MCC: variants seen among roughly 807,000 people sequenced by gnomAD.
MCC encodes MCC regulator of Wnt signaling pathway.
MCC carries 90 observed loss-of-function variants against 116.2 expected under a neutral mutation model. That is an observed-to-expected ratio of 0.77 (90% CI 0.65 to 0.92). The LOEUF is 0.92. Ranked by LOEUF, MCC falls within the 40% of genes least tolerant of loss-of-function variation. The pLI, the probability that MCC is intolerant of heterozygous loss-of-function variation, is 0.00. For synonymous variants in MCC, 578 were observed against 510.5 expected (o/e 1.13, Z -1.78); for missense variants, 1,516 against 1,312.2 (o/e 1.16, Z -2.40).
chr5:113,388,325 A>C (rs1769322733), intron 1 of MCC, among the ~76,000 whole-genome samples: 1 of 152,254 alleles, frequency 6.6e-6, no homozygotes, highest in Non-Finnish European at 1.5e-5. Flanking sequence ...TAGAAATACA[A>C]AATTAACAAT....
intron 4 of MCC, among the ~76,000 whole-genome samples, chr5:113,149,407 T>A (rs925050740): frequency 6.6e-6 from 1 of 151,968 alleles, no homozygotes; most frequent in Non-Finnish European, 1.5e-5. Context: ...AAACTGAAAA[T>A]TTTTTTATTT....
intron 3 of MCC, among the ~76,000 whole-genome samples, chr5:113,299,774 G>C (rs1223237870): frequency 1.3e-5 from 2 of 152,230 alleles, no homozygotes; most frequent in Admixed American, 6.5e-5. Context: ...CCTATGGAGA[G>C]GTGTGGGCAG....
chr5:113,208,947 C>T (rs544350249), intron 3 of MCC, among the ~76,000 whole-genome samples: 31 of 152,266 alleles, frequency 2.0e-4, no homozygotes, highest in African/African-American at 7.5e-4. Flanking sequence ...CTCTGAGGGG[C>T]TAAGGGTCGT....
intron 3 of MCC, among the ~76,000 whole-genome samples, chr5:113,183,841 G>C: frequency 6.6e-6 from 1 of 152,124 alleles, no homozygotes; most frequent in East Asian, 1.9e-4. Flanking sequence ...GGGGGCCAAA[G>C]GAATAGAGGG....
At chr5:113,093,123 T>A (rs766319748) in intron 8 of MCC, among the ~76,000 whole-genome samples, 9 of 152,082 alleles carry the variant, frequency 5.9e-5, no homozygotes, top group Admixed American at 1.3e-4. Context: ...AAATTAAAAG[T>A]AATGCAAAAC....
chr5:113,198,869 T>C (rs1380631848), intron 3 of MCC, among the ~76,000 whole-genome samples: 1 of 151,574 alleles, frequency 6.6e-6, no homozygotes, highest in Non-Finnish European at 1.5e-5. Context: ...AGTTTCTGAG[T>C]TGGGGGTGGG....
intron 3 of MCC, among the ~76,000 whole-genome samples, chr5:113,164,421 T>A (rs546814932): frequency 4.1e-4 from 62 of 152,296 alleles, no homozygotes; most frequent in African/African-American, 1.3e-3. Flanking sequence ...ACTCACTCTA[T>A]CAGTAAGATC....
chr5:113,035,797 TAA>T (rs1207433127), intron 17 of MCC, among the ~76,000 whole-genome samples: 1 of 152,150 alleles, frequency 6.6e-6, no homozygotes, highest in Non-Finnish European at 1.5e-5. Flanking sequence ...CATTGCAAAC[TAA>T]AGTTACTTTA....
chr5:113,064,738 G>A (rs1439776485), intron 13 of MCC, among the ~76,000 whole-genome samples: 2 of 152,174 alleles, frequency 1.3e-5, no homozygotes, highest in Non-Finnish European at 2.9e-5. Flanking sequence ...TAATCGGCGT[G>A]AACTCAAATG....
intron 3 of MCC, among the ~76,000 whole-genome samples, chr5:113,234,836 T>C (rs906511592): frequency 1.4e-4 from 21 of 152,266 alleles, no homozygotes; most frequent in South Asian, 1.2e-3. Context: ...AGGTTCCTTG[T>C]TAAATTATGA....
intron 3 of MCC, among the ~76,000 whole-genome samples, chr5:113,285,880 C>T (rs1407145545): frequency 6.6e-6 from 1 of 152,164 alleles, no homozygotes; most frequent in Non-Finnish European, 1.5e-5. Context: ...TATTTGTTGA[C>T]TGAATATGTG....
intron 1 of MCC, among the ~76,000 whole-genome samples, chr5:113,443,615 T>G (rs1771114123): frequency 1.3e-5 from 2 of 152,160 alleles, no homozygotes; most frequent in Non-Finnish European, 2.9e-5. Flanking sequence ...CCATTCAGTA[T>G]AATATTGGCT....
intron 11 of MCC, among the ~76,000 whole-genome samples, chr5:113,072,756 G>C (rs940705679): frequency 6.6e-5 from 10 of 152,156 alleles, no homozygotes; most frequent in African/African-American, 2.4e-5. Flanking sequence ...TTTCTATCCA[G>C]TCCCATGATG....
chr5:113,486,062 C>A (rs939111055), intron 1 of MCC, among the ~76,000 whole-genome samples: 5 of 152,162 alleles, frequency 3.3e-5, no homozygotes, highest in Non-Finnish European at 7.3e-5. Context: ...TTCCCCAAGT[C>A]TTACCACATA....
intron 6 of MCC, among the ~76,000 whole-genome samples, chr5:113,116,530 G>C (rs10041206): frequency 0.069 from 10,473 of 152,244 alleles, 833 homozygotes; most frequent in African/African-American, 0.2. Context: ...TAATAGAAGA[G>C]AAGTTCATGA....
At chr5:113,288,298 A>T (rs2150360016) in intron 3 of MCC, among the ~76,000 whole-genome samples, 1 of 152,358 alleles carries the variant, frequency 6.6e-6, no homozygotes, top group South Asian at 2.1e-4. Context: ...GGGCTGGGAA[A>T]GCCCTAATTC....
intron 2 of MCC, among the ~76,000 whole-genome samples, chr5:113,352,309 GATGGCTC>G (rs1362046679): frequency 6.6e-6 from 1 of 152,138 alleles, no homozygotes; most frequent in African/African-American, 2.4e-5. Context: ...GATGGTACCT[GATGGCTC>G]ATATGCAGCC....
chr5:113,068,185 T>C lies in MCC; in HGVS notation c.1926-2A>G. 1.2e-6 allele frequency: 2 copies of C among 1,612,320 alleles called. No individual in the cohort carries two copies. Among genetic ancestry groups the C allele is most frequent in the Non-Finnish European group, 1.7e-6 (2 of 1,178,458 alleles). The stretch of plus-strand genomic sequence containing the variant: ...TCGTAGGCTTCGATGCACTGCTCGC[T>C]GAAACAAAGCACATGGGGCCTCAGC... On this transcript the variant is annotated splice_acceptor_variant, in intron 12 of 18. Transcript: ENST00000408903. LOFTEE classifies it high-confidence loss of function.
chr5:113,316,524 G>C (rs1340080364), intron 3 of MCC, among the ~76,000 whole-genome samples: 1 of 152,180 alleles, frequency 6.6e-6, no homozygotes, highest in Non-Finnish European at 1.5e-5. Context: ...TTTCTGTCAT[G>C]ATCCAATAAG....
Sources: allele counts gnomAD v4.1 joint callset (sites outside exome capture counted in the v4.1 genomes callset), GRCh38; gene constraint gnomAD v4.1.1; transcripts MANE v1.5; gene names NCBI Gene and HGNC (gene_info 2026-07-23, HGNC 2026-07-21).